LYPD6B: variants seen among roughly 807,000 people sequenced by gnomAD.
LYPD6B encodes LY6/PLAUR domain containing 6B.
A neutral mutation model predicts 22.8 loss-of-function variants in LYPD6B; 17 were observed. The ratio of observed to expected loss-of-function variants is 0.75; its 90% CI spans 0.51 to 1.12. LYPD6B has a LOEUF of 1.12. Among genes scored for constraint, LYPD6B ranks in the 50% most tolerant of loss-of-function variants. The pLI, the probability that LYPD6B is intolerant of heterozygous loss-of-function variation, is 0.00. For missense variants in LYPD6B, 221 were observed against 258.3 expected (o/e 0.86, Z 0.99); for synonymous variants, 106 against 91.6 (o/e 1.16, Z -0.90).
At chr2:149,137,536 G>A (rs1688441044) in intron 2 of LYPD6B, among the ~76,000 whole-genome samples, 1 of 152,132 alleles carries the variant, frequency 6.6e-6, no homozygotes, top group African/African-American at 2.4e-5. Context: ...TTCAACAAGA[G>A]CAGAGATTTT....
chr2:149,066,010 C>T (rs1684310277), intron 1 of LYPD6B, among the ~76,000 whole-genome samples: 1 of 152,104 alleles, frequency 6.6e-6, no homozygotes, highest in Non-Finnish European at 1.5e-5. Context: ...CCGCACTCGG[C>T]CCTAATAAAA....
intron 3 of LYPD6B, among the ~76,000 whole-genome samples, chr2:149,164,754 G>GTGGGTGATATAA (rs1690311589): frequency 6.6e-6 from 1 of 152,148 alleles, no homozygotes; most frequent in African/African-American, 2.4e-5. Context: ...CTGGCCCTAG[G>GTGGGTGATATAA]TGGGTGATAT....
At chr2:149,155,751 T>A (rs1689661079) in intron 2 of LYPD6B, among the ~76,000 whole-genome samples, 1 of 152,192 alleles carries the variant, frequency 6.6e-6, no homozygotes, top group South Asian at 2.1e-4. Context: ...GCCACAGGAT[T>A]GGGAGTCAGG....
At chr2:149,137,261 G>C (rs1688424155) in intron 2 of LYPD6B, among the ~76,000 whole-genome samples, 1 of 152,122 alleles carries the variant, frequency 6.6e-6, no homozygotes. Context: ...AGCCATGATT[G>C]AATCCACTTA....
intron 1 of LYPD6B, among the ~76,000 whole-genome samples, chr2:149,090,738 T>C (rs1685612919): frequency 6.6e-6 from 1 of 152,210 alleles, no homozygotes; most frequent in African/African-American, 2.4e-5. Flanking sequence ...TAGAAGGGTC[T>C]TAAATCTTTA....
At chr2:149,127,751 G>A (rs1407569022) in intron 1 of LYPD6B, among the ~76,000 whole-genome samples, 1 of 152,148 alleles carries the variant, frequency 6.6e-6, no homozygotes, top group African/African-American at 2.4e-5. Flanking sequence ...GCTAGGAGCA[G>A]AAAAATGGAT....
intron 3 of LYPD6B, among the ~76,000 whole-genome samples, chr2:149,167,622 C>T (rs898511687): frequency 6.6e-6 from 1 of 152,130 alleles, no homozygotes; most frequent in Admixed American, 6.5e-5. Context: ...AGGGTCCTCA[C>T]GTGCATGAGT....
In LYPD6B at chr2:149,056,168, A is replaced by G. The variant is rs532504031; in HGVS notation, c.-67+17367A>G. Reference sequence around the variant, plus strand: ...CACATAGGTGCCAAGGAGTTTGACTAACATTATCCAATATGTAAGTATTCA... The same window carrying G: ...CACATAGGTGCCAAGGAGTTTGACTGACATTATCCAATATGTAAGTATTCA... On this transcript the variant is annotated intron_variant, in intron 1 of 6. Coordinates refer to ENST00000409642, the MANE Select transcript of LYPD6B (RefSeq NM_177964.5). Among the ~76,000 whole-genome samples, 36 of 152,358 alleles carry G rather than the reference A, an allele frequency of 2.4e-4. 1 individual carries two copies. The South Asian group carries it at 7.5e-3, about 32-fold the overall frequency.
intron 2 of LYPD6B, among the ~76,000 whole-genome samples, chr2:149,153,238 A>G (rs967758879): frequency 1.3e-5 from 2 of 152,144 alleles, no homozygotes; most frequent in Admixed American, 6.5e-5. Context: ...TGGAGGCTCT[A>G]TTTAAGGACA....
In LYPD6B at chr2:149,100,416, C is replaced by CAAAAAAA. The variant is rs58068035; in HGVS notation, c.-66-30448_-66-30442dup. Among the ~76,000 whole-genome samples, 21 of 67,964 alleles carry CAAAAAAA rather than the reference C, an allele frequency of 3.1e-4. 1 individual carries two copies. The highest frequency in any genetic ancestry group is 1.5e-3 in the East Asian group (3 of 2,062). 44.6% of individuals were successfully genotyped at this position (67,964 alleles called of 152,430 possible). On this transcript the variant is annotated intron_variant, in intron 1 of 6. Coordinates refer to ENST00000409642, the MANE Select transcript of LYPD6B (RefSeq NM_177964.5). Reference sequence around the variant, plus strand: ...TTAGGTTGGTATCCTTTGGCTTTGACAAAAAAAAAAAAAAAAAAAAAAAAA... The same window carrying CAAAAAAA: ...TTAGGTTGGTATCCTTTGGCTTTGACAAAAAAAAAAAAAAAAAAAAAAAAAAAAAAAA...
intron 1 of LYPD6B, among the ~76,000 whole-genome samples, chr2:149,060,247 C>G (rs567281533): frequency 6.6e-6 from 1 of 152,118 alleles, no homozygotes; most frequent in East Asian, 1.9e-4. Flanking sequence ...GACTGGGGTT[C>G]GAATCCTGCC....
At chr2:149,128,434 G>T (rs559668618) in intron 1 of LYPD6B, among the ~76,000 whole-genome samples, 1 of 152,194 alleles carries the variant, frequency 6.6e-6, no homozygotes. Context: ...CCTTGTTCTA[G>T]TTCTAATCAT....
chr2:149,124,023 T>C (rs1254203635), intron 1 of LYPD6B, among the ~76,000 whole-genome samples: 1 of 152,200 alleles, frequency 6.6e-6, no homozygotes, highest in East Asian at 1.9e-4. Context: ...GCTGTATGCT[T>C]TTCTAGTTAA....
At chr2:149,184,296 A>G (rs1460359260) in intron 3 of LYPD6B, among the ~76,000 whole-genome samples, 1 of 152,226 alleles carries the variant, frequency 6.6e-6, no homozygotes, top group Admixed American at 6.5e-5. Flanking sequence ...AGTGTGCAAC[A>G]TAATTACTTA....
At chr2:149,070,632 C>G (rs1212067342) in intron 1 of LYPD6B, among the ~76,000 whole-genome samples, 1 of 152,158 alleles carries the variant, frequency 6.6e-6, no homozygotes, top group Non-Finnish European at 1.5e-5. Context: ...TTCTAGTCAT[C>G]ATAACTGACC....
chr2:149,039,198 C>T (rs1172515556), intron 1 of LYPD6B, among the ~76,000 whole-genome samples: 2 of 152,326 alleles, frequency 1.3e-5, no homozygotes, highest in Admixed American at 1.3e-4. Flanking sequence ...GGTTCAAGGC[C>T]GATCGTGGGG....
chr2:149,086,793 G>A (rs1160283760), intron 1 of LYPD6B, among the ~76,000 whole-genome samples: 2 of 152,210 alleles, frequency 1.3e-5, no homozygotes, highest in South Asian at 2.1e-4. Flanking sequence ...GGCTGTGAGG[G>A]AGGGATCTCT....
intron 3 of LYPD6B, among the ~76,000 whole-genome samples, chr2:149,161,862 T>G (rs552787452): frequency 6.6e-6 from 1 of 152,354 alleles, no homozygotes; most frequent in Admixed American, 6.5e-5. Flanking sequence ...AGCAGAATTC[T>G]GTAAAATATC....
At chr2:149,151,796 A>C (rs1345176062) in intron 2 of LYPD6B, among the ~76,000 whole-genome samples, 1 of 152,182 alleles carries the variant, frequency 6.6e-6, no homozygotes, top group Non-Finnish European at 1.5e-5. Flanking sequence ...GGTGCTGTGT[A>C]AATGATCATC....
Sources: allele counts gnomAD v4.1 joint callset (sites outside exome capture counted in the v4.1 genomes callset), GRCh38; gene constraint gnomAD v4.1.1; transcripts MANE v1.5; gene names NCBI Gene and HGNC (gene_info 2026-07-23, HGNC 2026-07-21).